Variants in GRIN2B observed in about 807,000 individuals in gnomAD.
GRIN2B encodes glutamate ionotropic receptor NMDA type subunit 2B, also known as glutamate receptor ionotropic, NMDA 2B.
Under a neutral mutation model 114.5 loss-of-function variants are expected in GRIN2B, and 5 were observed. The ratio of observed to expected loss-of-function variants is 0.04; its 90% confidence interval spans 0.02 to 0.09. GRIN2B has a LOEUF of 0.09. Ranked by LOEUF, GRIN2B falls within the 10% of genes least tolerant of loss-of-function variation. GRIN2B has a pLI of 1.00. For synonymous variants in GRIN2B, 787 were observed against 745.1 expected (o/e 1.06, Z -0.92); for missense variants, 1,108 against 1,943.5 (o/e 0.57, Z 8.08).
intron 3 of GRIN2B, among the ~76,000 whole-genome samples, chr12:13,817,837 C>A (rs1199046579): frequency 6.6e-6 from 1 of 152,190 alleles, no homozygotes; most frequent in Non-Finnish European, 1.5e-5. Flanking sequence ...CCTGAAAATT[C>A]TCCTGTCTAC....
intron 3 of GRIN2B, among the ~76,000 whole-genome samples, chr12:13,786,475 G>A (rs1483724632): frequency 2.0e-5 from 3 of 152,028 alleles, no homozygotes; most frequent in Non-Finnish European, 2.9e-5. Flanking sequence ...GAACTTATTT[G>A]CTTTTCAAGA....
At chr12:13,576,860 C>CTT (rs1168127567) in intron 10 of GRIN2B, among the ~76,000 whole-genome samples, 1 of 152,106 alleles carries the variant, frequency 6.6e-6, no homozygotes, top group Non-Finnish European at 1.5e-5. Flanking sequence ...GCTCAGTACT[C>CTT]TTTATTAATC....
At chr12:13,586,324 T>C (rs1166739046) in intron 10 of GRIN2B, among the ~76,000 whole-genome samples, 1 of 152,250 alleles carries the variant, frequency 6.6e-6, no homozygotes, top group African/African-American at 2.4e-5. Flanking sequence ...TTTCTTTATA[T>C]AAGCTTTCTT....
At chr12:13,731,582 CAG>C (rs1474113379) in intron 4 of GRIN2B, among the ~76,000 whole-genome samples, 1 of 152,128 alleles carries the variant, frequency 6.6e-6, no homozygotes, top group African/African-American at 2.4e-5. Flanking sequence ...GCCTTGGTGA[CAG>C]AGTGAGACTC....
At position 13,950,517 on chromosome 12, in the gene GRIN2B, A is replaced by C. The variant is rs113197204; in HGVS notation, c.-19+29411T>G. On this transcript the variant is annotated intron_variant, in intron 2 of 13. Transcript: ENST00000609686. Reference sequence around the variant, plus strand: ...GAGGATTAAGTGAGAACATACATGGAAAAGCATTTAGCTTGCTAGGATGTG... The same window carrying C: ...GAGGATTAAGTGAGAACATACATGGCAAAGCATTTAGCTTGCTAGGATGTG... 7.3e-3 allele frequency among the ~76,000 whole-genome samples: 1,106 copies of C among 152,336 alleles called. 16 individuals are homozygous for C. The highest frequency in any genetic ancestry group is 0.026 in the African/African-American group (1,064 of 41,572).
At chr12:13,582,250 T>C (rs1310159069) in intron 10 of GRIN2B, among the ~76,000 whole-genome samples, 8 of 152,190 alleles carry the variant, frequency 5.3e-5, no homozygotes, top group Admixed American at 5.2e-4. Flanking sequence ...GAATAAATAA[T>C]TATTGTTATA....
chr12:13,795,687 G>A (rs1442457618), intron 3 of GRIN2B, among the ~76,000 whole-genome samples: 1 of 152,156 alleles, frequency 6.6e-6, no homozygotes, highest in African/African-American at 2.4e-5. Context: ...CAACCCAAAT[G>A]TCCGTCAATG....
chr12:13,679,628 T>C (rs7972742), intron 4 of GRIN2B, among the ~76,000 whole-genome samples: 10,083 of 152,260 alleles, frequency 0.066, 1,065 homozygotes, highest in African/African-American at 0.22. Context: ...CAGCAGCATA[T>C]AGATTAATCA....
Position 13,803,772 on chromosome 12 carries a change from G to A in GRIN2B, c.412-49857C>T, listed in dbSNP as rs545940641. Reference sequence around the variant, plus strand: ...GAGATGGGAAGGTGATGGGGACAACGGAGAGCCAAAAATGAAGCAACACAC... The same window carrying A: ...GAGATGGGAAGGTGATGGGGACAACAGAGAGCCAAAAATGAAGCAACACAC... On this transcript the variant is annotated intron_variant, in intron 3 of 13. Transcript: ENST00000609686. 4.6e-5 allele frequency among the ~76,000 whole-genome samples: 7 copies of A among 152,182 alleles called. No homozygotes were observed. In the South Asian group the frequency reaches 8.3e-4, roughly 18 times the overall value.
At chr12:13,882,155 CAT>C (rs1228431944) in intron 2 of GRIN2B, among the ~76,000 whole-genome samples, 1 of 152,174 alleles carries the variant, frequency 6.6e-6, no homozygotes, top group Non-Finnish European at 1.5e-5. Context: ...AAGATACAAA[CAT>C]AGTATATGTC....
In GRIN2B at chr12:13,541,321, C is replaced by A. The variant is rs867986971; in HGVS notation, c.*21462G>T. The stretch of plus-strand genomic sequence containing the variant: ...GCTCCAACAATTTTGCCCCTCACTT[C>A]CCACAAATTCCTTTAACAAATAGGC... On this transcript the variant is annotated 3_prime_UTR_variant, in exon 14 of 14. Transcript: ENST00000609686. 6.6e-6 allele frequency: 1 copy of A among 152,206 alleles called. No individual in the cohort carries two copies. The highest frequency in any genetic ancestry group is 2.1e-4 in the South Asian group (1 of 4,824). 9.4% of individuals were successfully genotyped at this position (152,206 alleles called of 1,614,324 possible).
intron 2 of GRIN2B, among the ~76,000 whole-genome samples, chr12:13,903,143 C>T (rs1866482747): frequency 6.6e-6 from 1 of 151,754 alleles, no homozygotes; most frequent in South Asian, 2.1e-4. Flanking sequence ...TTGTGTTGAC[C>T]AGCCTTACCA....
At chr12:13,810,302 G>A (rs1256302767) in intron 3 of GRIN2B, among the ~76,000 whole-genome samples, 1 of 150,790 alleles carries the variant, frequency 6.6e-6, no homozygotes, top group Non-Finnish European at 1.5e-5. Context: ...TGCAACCTCT[G>A]ACTCCCAGGT....
chr12:13,712,219 G>A (rs60916649), intron 4 of GRIN2B, among the ~76,000 whole-genome samples: 3,942 of 149,142 alleles, frequency 0.026, 169 homozygotes, highest in African/African-American at 0.093. Context: ...TCAAACACCG[G>A]GGCCTGTTGT....
intron 5 of GRIN2B, among the ~76,000 whole-genome samples, chr12:13,655,141 T>G (rs974362210): frequency 2.6e-5 from 4 of 152,044 alleles, no homozygotes; most frequent in Admixed American, 6.6e-5. Flanking sequence ...TAGTTGCATA[T>G]CATTTGGAGA....
chr12:13,779,879 G>T (rs767295083), intron 3 of GRIN2B, among the ~76,000 whole-genome samples: 1 of 152,128 alleles, frequency 6.6e-6, no homozygotes, highest in Non-Finnish European at 1.5e-5. Context: ...AACACACGTC[G>T]CAAGAGTCTT....
At position 13,712,747 on chromosome 12, in the gene GRIN2B, T is replaced by C. The variant is rs1950425592; in HGVS notation, c.1011-36888A>G. ...TTTTCTATCAACTTTTGAAATACAT[T>C]GCTATAAAGTATAGGGCGTATGTTT... is the stretch of plus-strand genomic sequence containing the variant. On this transcript the variant is annotated intron_variant, in intron 4 of 13. Transcript: ENST00000609686. Among the ~76,000 whole-genome samples, 4 of 151,908 alleles carry C rather than the reference T, an allele frequency of 2.6e-5. 1 individual carries two copies. Among genetic ancestry groups the C allele is most frequent in the African/African-American group, 9.7e-5 (4 of 41,420 alleles).
intron 4 of GRIN2B, among the ~76,000 whole-genome samples, chr12:13,703,231 G>T (rs190809372): frequency 2.0e-4 from 31 of 152,240 alleles, no homozygotes; most frequent in East Asian, 7.7e-4. Flanking sequence ...AGCTAGAGAA[G>T]GAGGGAAAGA....
chr12:13,729,648 C>T (rs950401139), intron 4 of GRIN2B, among the ~76,000 whole-genome samples: 1 of 152,002 alleles, frequency 6.6e-6, no homozygotes, highest in East Asian at 1.9e-4. Flanking sequence ...CTTGCTCATT[C>T]GAGAACTTCC....
Sources: gnomAD v4.1 joint callset for allele counts (sites outside exome capture counted in the v4.1 genomes callset) on GRCh38, gnomAD v4.1.1 for gene constraint, MANE v1.5 for transcripts, NCBI Gene and HGNC (gene_info 2026-07-23, HGNC 2026-07-21) for gene names.